The following KIF4B variants were observed in gnomAD, a reference collection of about 807,000 sequenced individuals.
The protein encoded by KIF4B is kinesin family member 4B.
Under a neutral mutation model 69.0 loss-of-function variants are expected in KIF4B, and 60 were observed. The observed-to-expected ratio is 0.87, with a 90% CI of 0.71 to 1.08. KIF4B has a LOEUF of 1.08. Among genes scored for constraint, KIF4B ranks in the 50% least tolerant of loss-of-function variants. The pLI is 0.00. For synonymous variants in KIF4B, 489 were observed against 533.0 expected (o/e 0.92, Z 1.14); for missense variants, 1,357 against 1,451.9 (o/e 0.93, Z 1.06).
In KIF4B at chr5:155,014,672, A is replaced by G; in HGVS notation, c.813A>G (p.Gly271=). The G allele has an allele frequency of 6.2e-7, 1 of 1,614,106 alleles. No individual in the cohort carries two copies. Among genetic ancestry groups the G allele is most frequent in the Non-Finnish European group, 8.5e-7 (1 of 1,180,022 alleles). ...ININRGLLCL[G]NVISALGDDK... The stretch of plus-strand genomic sequence containing the variant: ...TTAACCGAGGCCTCCTATGCTTGGG[A>G]AATGTAATCAGTGCTCTTGGAGATG... Residue 271 remains glycine, a synonymous_variant, in exon 1 of 1, where the codon GGA becomes GGG. Coordinates refer to ENST00000435029, the MANE Select transcript of KIF4B (RefSeq NM_001099293.3).
In KIF4B at chr5:155,014,765, A is replaced by C; in HGVS notation, c.906A>C (p.Gly302=). 1 of 1,614,150 alleles carries C rather than the reference A, an allele frequency of 6.2e-7. No individual in the cohort carries two copies. Among genetic ancestry groups the C allele is most frequent in the Non-Finnish European group, 8.5e-7 (1 of 1,180,032 alleles). Residue 302 remains glycine, a synonymous_variant, in exon 1 of 1, where the codon GGA becomes GGC. Coordinates refer to ENST00000435029, the MANE Select transcript of KIF4B (RefSeq NM_001099293.3). The part of the protein sequence containing the change: ...KLTRLLQDSL[G]GNSHTLMIAC... ...CTCGACTGCTGCAAGATTCTCTAGG[A>C]GGTAACAGCCACACTCTTATGATAG... is the stretch of plus-strand genomic sequence containing the variant.
Position 155,016,042 on chromosome 5 carries a change from G to T in KIF4B, c.2183G>T (p.Arg728Leu). 1 of 1,614,096 alleles carries T rather than the reference G, an allele frequency of 6.2e-7. No homozygotes were observed. Among genetic ancestry groups the T allele is most frequent in the Non-Finnish European group, 8.5e-7 (1 of 1,180,014 alleles). Residue 728 changes from arginine to leucine, a missense_variant, in exon 1 of 1, where the codon CGG becomes CTG. Transcript: ENST00000435029. ...LQKQREVTDK[R>L]KETQSHGKEG... ...AAACAACGAGAGGTCACAGATAAGC[G>T]GAAAGAGACTCAGAGCCATGGAAAG...
chr5:155,014,815 A>T lies in KIF4B; in HGVS notation c.956A>T (p.Asn319Ile), dbSNP rs369057714. Residue 319 changes from asparagine (N) to isoleucine (I), a missense_variant, in exon 1 of 1, where the codon AAT (asparagine) becomes ATT (isoleucine). Transcript: ENST00000435029. Reference protein sequence around the residue: ...MIACVSPADSNLEETLSTLRY... With the variant: ...MIACVSPADSILEETLSTLRY... ...GCCTGTGTGAGTCCTGCTGACTCCA[A>T]TCTAGAGGAAACATTAAGTACCCTT... The T allele has an allele frequency of 1.2e-6, 2 of 1,614,038 alleles. No individual in the cohort carries two copies. The highest frequency in any genetic ancestry group is 1.3e-5 in the African/African-American group (1 of 74,906).
At position 155,017,243 on chromosome 5, in the gene KIF4B, C is replaced by G. The variant is rs771347035; in HGVS notation, c.3384C>G (p.Ser1128Arg). 2.5e-6 allele frequency: 4 copies of G among 1,614,086 alleles called. No individual in the cohort carries two copies. Among genetic ancestry groups the G allele is most frequent in the Non-Finnish European group, 3.4e-6 (4 of 1,180,036 alleles). Residue 1128 changes from serine to arginine, a missense_variant, in exon 1 of 1, where the codon AGC becomes AGG. Ser to Arg is a moderately radical substitution (Grantham distance 110). Transcript: ENST00000435029. ...KCRNRQQGKDSLGTVEQTQDS... is the reference protein window; with the variant it reads ...KCRNRQQGKDRLGTVEQTQDS... ...GGAACCGCCAGCAAGGCAAGGATAG[C>G]TTGGGCACTGTTGAACAGACCCAGG...
At position 155,015,722 on chromosome 5, in the gene KIF4B, A is replaced by T. The variant is rs1765315326; in HGVS notation, c.1863A>T (p.Lys621Asn). ...DLKKKLNEQS[K>N]LLKLKESTER... is the part of the protein sequence containing the mutation. ...AGAAGAAACTGAATGAGCAGTCCAA[A>T]CTTCTGAAACTAAAGGAATCCACAG... Residue 621 changes from lysine (K) to asparagine (N), a missense_variant, in exon 1 of 1, where the codon AAA (lysine) becomes AAT (asparagine). Coordinates refer to ENST00000435029, the MANE Select transcript of KIF4B (RefSeq NM_001099293.3). The T allele has an allele frequency of 6.2e-7, 1 of 1,614,094 alleles. No homozygotes were observed. Among genetic ancestry groups the T allele is most frequent in the African/African-American group, 1.3e-5 (1 of 74,924 alleles).
Position 155,014,898 on chromosome 5 carries a change from C to T in KIF4B, c.1039C>T (p.His347Tyr). ...KNKPIVNIDP[H>Y]TAELNHLKQQ... ...CAAACCTATTGTTAATATTGATCCCCACACAGCTGAACTTAATCATCTAAA... is the reference window on the plus strand; with the variant it reads ...CAAACCTATTGTTAATATTGATCCCTACACAGCTGAACTTAATCATCTAAA... Residue 347 changes from histidine (H) to tyrosine (Y), a missense_variant, in exon 1 of 1, where the codon CAC becomes TAC. Physicochemically the swap from His to Tyr is moderately conservative, Grantham distance 83. Coordinates refer to ENST00000435029, the MANE Select transcript of KIF4B (RefSeq NM_001099293.3). The T allele has an allele frequency of 6.2e-7, 1 of 1,614,144 alleles. No individual in the cohort carries two copies. Among genetic ancestry groups the T allele is most frequent in the Non-Finnish European group, 8.5e-7 (1 of 1,180,022 alleles).
Position 155,014,896 on chromosome 5 carries a change from C to T in KIF4B, c.1037C>T (p.Pro346Leu), listed in dbSNP as rs1582712443. ...AACAAACCTATTGTTAATATTGATC[C>T]CCACACAGCTGAACTTAATCATCTA... ...IKNKPIVNID[P>L]HTAELNHLKQ... The change falls in exon 1 of 1, where the codon CCC (proline) becomes CTC (leucine). Residue 346 changes from proline (P) to leucine (L), a missense_variant. By Grantham distance (98) the Pro-to-Leu change is moderately conservative. Coordinates refer to ENST00000435029, the MANE Select transcript of KIF4B (RefSeq NM_001099293.3). 1 of 1,614,080 alleles carries T rather than the reference C, an allele frequency of 6.2e-7. No individual in the cohort carries two copies. Among genetic ancestry groups the T allele is most frequent in the Non-Finnish European group, 8.5e-7 (1 of 1,180,012 alleles).
chr5:155,015,811 T>C lies in KIF4B; in HGVS notation c.1952T>C (p.Met651Thr). 6.2e-7 allele frequency: 1 copy of C among 1,614,120 alleles called. No individual in the cohort carries two copies. ...ATGAAAAACCAGCGGGTACAGTTAA[T>C]GCGTCAAATGAAAGAGGATGCTGAG... The part of the protein sequence containing the change: ...WMMKNQRVQL[M>T]RQMKEDAEKF... Residue 651 changes from methionine (M) to threonine (T), a missense_variant, in exon 1 of 1, where the codon ATG becomes ACG. Coordinates refer to ENST00000435029, the MANE Select transcript of KIF4B (RefSeq NM_001099293.3).
rs1447538608 is a variant in KIF4B, at chr5:155,016,819, A to G, written c.2960A>G (p.Asn987Ser). 2 of 1,614,050 alleles carry G rather than the reference A, an allele frequency of 1.2e-6. No individual in the cohort carries two copies. The highest frequency in any genetic ancestry group is 1.7e-6 in the Non-Finnish European group (2 of 1,180,022). ...CAAAATCAGCAGCTTCTCCAAGAGA[A>G]TGAAATCATCAAGCAGAAACTGATC... ...CEQNQQLLQE[N>S]EIIKQKLILL... The change falls in exon 1 of 1, where the codon AAT becomes AGT. Residue 987 changes from asparagine (N) to serine (S), a missense_variant. Transcript: ENST00000435029.
In KIF4B at chr5:155,014,334, G is replaced by C. The variant is rs570601300; in HGVS notation, c.475G>C (p.Ala159Pro). The change falls in exon 1 of 1, where the codon GCT (alanine) becomes CCT (proline). Residue 159 changes from alanine to proline, a missense_variant. Ala to Pro is a conservative substitution (Grantham distance 27, BLOSUM62 -1). Coordinates refer to ENST00000435029, the MANE Select transcript of KIF4B (RefSeq NM_001099293.3). ...LDLLCPSREK[A>P]QINIREDPKE... ...TCTTCTATGCCCATCTCGTGAGAAA[G>C]CTCAAATAAATATACGGGAGGATCC... The C allele has an allele frequency of 3.5e-5, 56 of 1,614,218 alleles. No homozygotes were observed. The Middle Eastern group carries it at 6.6e-4, about 19-fold the overall frequency.
Position 155,016,513 on chromosome 5 carries a change from A to C in KIF4B, c.2654A>C (p.Glu885Ala). 1.9e-6 allele frequency: 3 copies of C among 1,614,240 alleles called. No individual in the cohort carries two copies. The highest frequency in any genetic ancestry group is 2.5e-6 in the Non-Finnish European group (3 of 1,180,040). The change falls in exon 1 of 1, where the codon GAA becomes GCA. Residue 885 changes from glutamate to alanine, a missense_variant. Transcript: ENST00000435029. ...TCCAAAATACATGTCACCAAACTTG[A>C]AAACAGCCTGAGACAGAGCAAGGCC... ...VSSKIHVTKL[E>A]NSLRQSKASC...
In KIF4B at chr5:155,015,754, C is replaced by T. The variant is rs758183986; in HGVS notation, c.1895C>T (p.Thr632Ile). 75 of 1,614,184 alleles carry T rather than the reference C, an allele frequency of 4.6e-5. No individual in the cohort carries two copies. Among genetic ancestry groups the T allele is most frequent in the Non-Finnish European group, 6.0e-5 (71 of 1,180,036 alleles). The change falls in exon 1 of 1, where the codon ACT (threonine) becomes ATT (isoleucine). Residue 632 changes from threonine (T) to isoleucine (I), a missense_variant. By Grantham distance (89) the Thr-to-Ile change is moderately conservative. Coordinates refer to ENST00000435029, the MANE Select transcript of KIF4B (RefSeq NM_001099293.3). ...AAACTAAAGGAATCCACAGAGCGTA[C>T]TGTCTCCAAGCTGAACCAAGAGATA... ...LLKLKESTER[T>I]VSKLNQEIWM...
In KIF4B at chr5:155,016,482, G is replaced by A; in HGVS notation, c.2623G>A (p.Val875Ile). 1 of 1,614,180 alleles carries A rather than the reference G, an allele frequency of 6.2e-7. No homozygotes were observed. The highest frequency in any genetic ancestry group is 8.5e-7 in the Non-Finnish European group (1 of 1,180,024). The stretch of plus-strand genomic sequence containing the variant: ...CCTGAAATATTTGATTGGAGAGCTG[G>A]TCTCCTCCAAAATACATGTCACCAA... ...CALKYLIGEL[V>I]SSKIHVTKLE... The change falls in exon 1 of 1, where the codon GTC becomes ATC. Residue 875 changes from valine (V) to isoleucine (I), a missense_variant. Val to Ile is a conservative substitution (Grantham distance 29). Coordinates refer to ENST00000435029, the MANE Select transcript of KIF4B (RefSeq NM_001099293.3).
At position 155,014,741 on chromosome 5, in the gene KIF4B, T is replaced by G; in HGVS notation, c.882T>G (p.Thr294=). 6.2e-7 allele frequency: 1 copy of G among 1,614,138 alleles called. No individual in the cohort carries two copies. The highest frequency in any genetic ancestry group is 8.5e-7 in the Non-Finnish European group (1 of 1,180,028). ...SFVPYRDSKL[T]RLLQDSLGGN... ...TGCCCTACAGAGATTCCAAGTTAACTCGACTGCTGCAAGATTCTCTAGGAG... is the reference window on the plus strand; with the variant it reads ...TGCCCTACAGAGATTCCAAGTTAACGCGACTGCTGCAAGATTCTCTAGGAG... Residue 294 remains threonine, a synonymous_variant, in exon 1 of 1, where the codon ACT becomes ACG. Coordinates refer to ENST00000435029, the MANE Select transcript of KIF4B (RefSeq NM_001099293.3).
Position 155,016,071 on chromosome 5 carries a change from G to A in KIF4B, c.2212G>A (p.Gly738Ser), listed in dbSNP as rs1240646270. The change falls in exon 1 of 1, where the codon GGT becomes AGT. Residue 738 changes from glycine (G) to serine (S), a missense_variant. Coordinates refer to ENST00000435029, the MANE Select transcript of KIF4B (RefSeq NM_001099293.3). ...AGAGACTCAGAGCCATGGAAAGGAA[G>A]GTATTGCAGCTCGAGTGAGGAATTG... is the stretch of plus-strand genomic sequence containing the variant. ...RKETQSHGKE[G>S]IAARVRNWLG... The A allele has an allele frequency of 6.2e-7, 1 of 1,614,026 alleles. No individual in the cohort carries two copies. The highest frequency in any genetic ancestry group is 1.3e-5 in the African/African-American group (1 of 74,910).
rs188233871 is a variant in KIF4B, at chr5:155,016,230, C to A, written c.2371C>A (p.Pro791Thr). The A allele has an allele frequency of 6.2e-7, 1 of 1,614,114 alleles. No individual in the cohort carries two copies. Among genetic ancestry groups the A allele is most frequent in the East Asian group, 2.2e-5 (1 of 44,880 alleles). The change falls in exon 1 of 1, where the codon CCA (proline) becomes ACA (threonine). Residue 791 changes from proline (P) to threonine (T), a missense_variant. By Grantham distance (38) the Pro-to-Thr change is conservative (BLOSUM62 -1). Transcript: ENST00000435029. Reference sequence around the variant, plus strand: ...AGAAAAAAAGGAATCTCGGGAGAATCCACCTCCTAAACTCCGGAAGTGTAC... The same window carrying A: ...AGAAAAAAAGGAATCTCGGGAGAATACACCTCCTAAACTCCGGAAGTGTAC... ...LKEKKESREN[P>T]PPKLRKCTFS...
rs537032460 is a variant in KIF4B, at chr5:155,015,191, G to A, written c.1332G>A (p.Lys444=). The change falls in exon 1 of 1, where the codon AAG becomes AAA. Residue 444 remains lysine, a synonymous_variant. Coordinates refer to ENST00000435029, the MANE Select transcript of KIF4B (RefSeq NM_001099293.3). Reference sequence around the variant, plus strand: ...AGCTCAGGCAGCATGTGGCCTGCAAGCTGGATCTTCAAAAGCTAGTGGAGA... The same window carrying A: ...AGCTCAGGCAGCATGTGGCCTGCAAACTGGATCTTCAAAAGCTAGTGGAGA... ...LEELRQHVAC[K]LDLQKLVETL... is the part of the protein sequence containing the mutation. 3.1e-6 allele frequency: 5 copies of A among 1,614,210 alleles called. No individual in the cohort carries two copies. The highest frequency in any genetic ancestry group is 2.2e-5 in the East Asian group (1 of 44,882).
Position 155,014,482 on chromosome 5 carries a change from A to G in KIF4B, c.623A>G (p.Gln208Arg). 1 of 1,614,130 alleles carries G rather than the reference A, an allele frequency of 6.2e-7. No individual in the cohort carries two copies. The highest frequency in any genetic ancestry group is 8.5e-7 in the Non-Finnish European group (1 of 1,179,986). ...RTVASTAMNS[Q>R]SSRSHAIFTI... is the part of the protein sequence containing the mutation. ...GTGGCCTCCACAGCTATGAACTCCC[A>G]GTCGTCCCGATCTCATGCCATCTTT... is the stretch of plus-strand genomic sequence containing the variant. The change falls in exon 1 of 1, where the codon CAG becomes CGG. Residue 208 changes from glutamine (Q) to arginine (R), a missense_variant. Gln to Arg is a conservative substitution (Grantham distance 43). Coordinates refer to ENST00000435029, the MANE Select transcript of KIF4B (RefSeq NM_001099293.3).
In KIF4B at chr5:155,017,312, C is replaced by T. The variant is rs1358062425; in HGVS notation, c.3453C>T (p.Thr1151=). ...SFKLEDPTEV[T]PGLSFFNPVC... The stretch of plus-strand genomic sequence containing the variant: ...AACTGGAGGATCCTACCGAGGTGAC[C>T]CCAGGATTGAGCTTCTTTAACCCTG... Residue 1151 remains threonine (T), a synonymous_variant, in exon 1 of 1, where the codon ACC becomes ACT. Transcript: ENST00000435029. The T allele has an allele frequency of 6.2e-7, 1 of 1,614,112 alleles. No individual in the cohort carries two copies. Among genetic ancestry groups the T allele is most frequent in the Non-Finnish European group, 8.5e-7 (1 of 1,180,028 alleles).
Sources: allele counts gnomAD v4.1 joint callset, GRCh38; gene constraint gnomAD v4.1.1; transcripts MANE v1.5; gene names NCBI Gene and HGNC (gene_info 2026-07-23, HGNC 2026-07-21).